NKAIN2: variants seen among roughly 807,000 people sequenced by gnomAD.
NKAIN2 encodes sodium/potassium transporting ATPase interacting 2, also known as sodium/potassium-transporting ATPase subunit beta-1-interacting protein 2.
Under a neutral mutation model 32.6 loss-of-function variants are expected in NKAIN2, and 14 were observed. That is an observed-to-expected ratio of 0.43 (90% CI 0.28 to 0.67). The LOEUF (loss-of-function observed/expected upper bound fraction) is 0.67, where lower values mean the gene tolerates loss of function less well. Ranked by LOEUF, NKAIN2 falls within the 30% of genes least tolerant of loss-of-function variation. The pLI, the probability that NKAIN2 is intolerant of heterozygous loss-of-function variation, is 0.17. For missense variants in NKAIN2, 198 were observed against 258.3 expected, an observed-to-expected ratio of 0.77 and a Z score of 1.60; for synonymous variants, 80 against 87.2, an observed-to-expected ratio of 0.92 and a Z score of 0.46.
At position 124,631,169 on chromosome 6, in the gene NKAIN2, A is replaced by G. The variant is rs983126276; in HGVS notation, c.274-27017A>G. ...TCACGAGAGTGTTTAAGTGTTTTTG[A>G]TACTTCTAAAGAGATTCTCAAAGTG... On this transcript the variant is annotated intron_variant, in intron 3 of 6. Transcript: ENST00000368417. 7.4e-4 allele frequency among the ~76,000 whole-genome samples: 112 copies of G among 152,254 alleles called. 1 individual carries two copies. Among genetic ancestry groups the G allele is most frequent in the African/African-American group, 2.6e-3 (110 of 41,572 alleles).
chr6:124,476,257 A>G (rs2114687233), intron 3 of NKAIN2, among the ~76,000 whole-genome samples: 1 of 152,208 alleles, frequency 6.6e-6, no homozygotes, highest in East Asian at 1.9e-4. Context: ...ATTTTTTTCT[A>G]AGCTGTGTTT....
intron 1 of NKAIN2, among the ~76,000 whole-genome samples, chr6:124,246,766 C>A (rs954019160): frequency 1.3e-5 from 2 of 152,180 alleles, no homozygotes; most frequent in East Asian, 3.9e-4. Context: ...CGTTTTCTCT[C>A]CCTCACAAGG....
intron 1 of NKAIN2, among the ~76,000 whole-genome samples, chr6:123,927,285 C>T (rs954528092): frequency 2.6e-5 from 4 of 152,130 alleles, no homozygotes; most frequent in African/African-American, 7.2e-5. Context: ...TTTTTGTAGT[C>T]TCATGCTTCT....
intron 1 of NKAIN2, among the ~76,000 whole-genome samples, chr6:123,891,372 A>G (rs1774011137): frequency 6.6e-6 from 1 of 152,224 alleles, no homozygotes; most frequent in African/African-American, 2.4e-5. Flanking sequence ...AAAGCAATGT[A>G]GAGCCAACGG....
chr6:124,407,083 A>G (rs2114478545), intron 3 of NKAIN2, among the ~76,000 whole-genome samples: 1 of 152,278 alleles, frequency 6.6e-6, no homozygotes, highest in African/African-American at 2.4e-5. Flanking sequence ...TTTATCGATC[A>G]AGCTTTTGAT....
intron 5 of NKAIN2, among the ~76,000 whole-genome samples, chr6:124,812,676 C>T (rs565605783): frequency 1.3e-5 from 2 of 152,254 alleles, no homozygotes; most frequent in East Asian, 3.9e-4. Context: ...AGATGTACTA[C>T]TTATAACTTA....
At chr6:124,118,972 A>G (rs1785748707) in intron 1 of NKAIN2, among the ~76,000 whole-genome samples, 1 of 152,164 alleles carries the variant, frequency 6.6e-6, no homozygotes, top group Non-Finnish European at 1.5e-5. Context: ...TCGTTTGCCA[A>G]ATCTGATCTA....
intron 1 of NKAIN2, among the ~76,000 whole-genome samples, chr6:123,904,611 A>G (rs559850928): frequency 2.6e-5 from 4 of 152,328 alleles, no homozygotes; most frequent in African/African-American, 7.2e-5. Flanking sequence ...AGTGTTATAC[A>G]TGGAAGGGGA....
intron 3 of NKAIN2, among the ~76,000 whole-genome samples, chr6:124,522,784 C>A (rs541354689): frequency 6.6e-6 from 1 of 152,232 alleles, no homozygotes; most frequent in East Asian, 1.9e-4. Context: ...ATTGATAAAA[C>A]CCTATGTTAC....
intron 3 of NKAIN2, among the ~76,000 whole-genome samples, chr6:124,512,727 A>G (rs1460547066): frequency 6.6e-6 from 1 of 152,150 alleles, no homozygotes; most frequent in Non-Finnish European, 1.5e-5. Context: ...TGTGGTCTGT[A>G]TCTCATTTTG....
intron 3 of NKAIN2, among the ~76,000 whole-genome samples, chr6:124,542,991 T>C (rs1380307242): frequency 6.6e-6 from 1 of 152,204 alleles, no homozygotes; most frequent in African/African-American, 2.4e-5. Context: ...TGGTCCCCTT[T>C]CTGTAAGTAT....
At chr6:124,274,082 A>G (rs1794920855) in intron 1 of NKAIN2, among the ~76,000 whole-genome samples, 1 of 152,192 alleles carries the variant, frequency 6.6e-6, no homozygotes, top group African/African-American at 2.4e-5. Context: ...AAACTTAATA[A>G]ATGAGAATCA....
intron 4 of NKAIN2, among the ~76,000 whole-genome samples, chr6:124,735,737 C>A (rs571240804): frequency 6.6e-6 from 1 of 151,922 alleles, no homozygotes; most frequent in East Asian, 1.9e-4. Flanking sequence ...GATCAGTCAT[C>A]TTTGATGTTT....
chr6:124,121,330 G>T (rs1033762436), intron 1 of NKAIN2, among the ~76,000 whole-genome samples: 10 of 151,928 alleles, frequency 6.6e-5, no homozygotes, highest in Non-Finnish European at 1.3e-4. Flanking sequence ...TGATGGAGAA[G>T]AAATACACAA....
At position 123,823,180 on chromosome 6, in the gene NKAIN2, G is replaced by A. The variant is rs182835203; in HGVS notation, c.54+18926G>A. The A allele has an allele frequency of 3.3e-5, 5 of 152,238 alleles. No individual in the cohort carries two copies. In the East Asian group the frequency reaches 5.8e-4, roughly 18 times the overall value. The allele number at this position is 152,238 out of a possible 1,614,324, so 9.4% of individuals were successfully genotyped here. A position where few individuals can be genotyped will look rare whatever the true frequency, so the allele number is the denominator to read the frequency against. On this transcript the variant is annotated intron_variant, in intron 1 of 6. Coordinates refer to ENST00000368417, the MANE Select transcript of NKAIN2 (RefSeq NM_001040214.3). ...AACAAATATAATGATTAATAAAACCGAAACCTGTATTTTCTTTACAAAACA... is the reference window on the plus strand; with the variant it reads ...AACAAATATAATGATTAATAAAACCAAAACCTGTATTTTCTTTACAAAACA...
intron 4 of NKAIN2, among the ~76,000 whole-genome samples, chr6:124,664,902 C>A (rs1038328648): frequency 1.4e-5 from 2 of 143,148 alleles, no homozygotes; most frequent in Non-Finnish European, 3.0e-5. Context: ...AATGTTTGAT[C>A]TTTAAACAAG....
intron 1 of NKAIN2, among the ~76,000 whole-genome samples, chr6:123,882,202 T>C (rs1029978579): frequency 6.6e-6 from 1 of 152,078 alleles, no homozygotes; most frequent in Non-Finnish European, 1.5e-5. Context: ...ATATTTAAAA[T>C]AAACATATGT....
intron 1 of NKAIN2, among the ~76,000 whole-genome samples, chr6:124,195,261 C>A (rs1240642063): frequency 6.6e-6 from 1 of 151,902 alleles, no homozygotes. Context: ...TGTGAGATCT[C>A]ATTAAAACTA....
chr6:124,737,500 T>C (rs1201709697), intron 4 of NKAIN2, among the ~76,000 whole-genome samples: 1 of 151,762 alleles, frequency 6.6e-6, no homozygotes, highest in Non-Finnish European at 1.5e-5. Flanking sequence ...ATGTCATTAA[T>C]ACAGTAAACT....
Sources: gnomAD v4.1 joint callset for allele counts (sites outside exome capture counted in the v4.1 genomes callset) on GRCh38, gnomAD v4.1.1 for gene constraint, MANE v1.5 for transcripts, NCBI Gene and HGNC (gene_info 2026-07-23, HGNC 2026-07-21) for gene names.